ATP8B3: variants seen among roughly 807,000 people sequenced by gnomAD.
ATP8B3 encodes the protein ATPase phospholipid transporting 8B3, also known as phospholipid-transporting ATPase IK.
Under a neutral mutation model 140.9 loss-of-function variants are expected in ATP8B3, and 141 were observed. The observed-to-expected ratio is 1.00, with a 90% CI of 0.87 to 1.15. The LOEUF is 1.15. Among genes scored for constraint, ATP8B3 ranks in the 50% most tolerant of loss-of-function variants. The pLI is 0.00. For missense variants in ATP8B3, 1,874 were observed against 1,740.6 expected (o/e 1.08, Z -1.36); for synonymous variants, 765 against 714.6 (o/e 1.07, Z -1.13).
At chr19:1,793,705 G>A (rs1046508361) in intron 18 of ATP8B3, among the ~76,000 whole-genome samples, 3 of 152,162 alleles carry the variant, frequency 2.0e-5, no homozygotes, top group Non-Finnish European at 4.4e-5. Flanking sequence ...GTGCTCCAAG[G>A]GGTGGCCTTA....
At chr19:1,787,725 G>A (rs2068350223) in intron 24 of ATP8B3, among the ~76,000 whole-genome samples, 1 of 82,554 alleles carries the variant, frequency 1.2e-5, no homozygotes, top group African/African-American at 4.7e-5. Context: ...GTGAAACTCT[G>A]TCTAAAAAAA....
rs891905471 is a variant in ATP8B3 at position 1,788,903 on chromosome 19, G to A, written c.3063C>T (p.Thr1021=). ...GCCAGGGTGGGGGACGCACCTGGCC[G>A]GTGAAGCCGTTGTAGCAGGCAAACC... ...QVWFACYNGF[T]GQPLYEGWFL... is the part of the protein sequence containing the mutation. The change falls in exon 24 of 29, where the codon ACC becomes ACT. Residue 1021 remains threonine, a synonymous_variant. Transcript: ENST00000310127. 29 of 1,589,818 alleles carry A rather than the reference G, an allele frequency of 1.8e-5. No homozygotes were observed. Among genetic ancestry groups the A allele is most frequent in the African/African-American group, 9.4e-5 (7 of 74,362 alleles).
intron 23 of ATP8B3, 106 bp downstream of exon 23, chr19:1,789,255 A>G (rs1600401022): frequency 2.3e-6 from 2 of 883,012 alleles, no homozygotes; most frequent in Non-Finnish European, 3.1e-6. Context: ...CGCCGCCTCC[A>G]TCAGCGCCCC....
At chr19:1,786,898 A>G (rs1284366866) in intron 25 of ATP8B3, among the ~76,000 whole-genome samples, 7 of 152,264 alleles carry the variant, frequency 4.6e-5, no homozygotes, top group African/African-American at 1.7e-4. Context: ...ACACAGGAGG[A>G]GCTGGATGGC....
At position 1,784,772 on chromosome 19, in the gene ATP8B3, G is replaced by T. The variant is rs535423206; in HGVS notation, c.3660+47C>A. 3.9e-6 allele frequency: 6 copies of T among 1,546,534 alleles called. No homozygotes were observed. The East Asian group carries it at 1.2e-4, about 31-fold the overall frequency. Reference sequence around the variant, plus strand: ...CGCCCTGCACGGCTCCCCAACCAGGGTCCTGGAATGTACCAGATGAGGACC... The same window carrying T: ...CGCCCTGCACGGCTCCCCAACCAGGTTCCTGGAATGTACCAGATGAGGACC... On this transcript the variant is annotated intron_variant, in intron 28 of 28. Coordinates refer to ENST00000310127, the MANE Select transcript of ATP8B3 (RefSeq NM_138813.4).
chr19:1,812,045 C>T (rs2145215369), intron 1 of ATP8B3, 141 bp downstream of exon 1: 3 of 310,004 alleles, frequency 9.7e-6, no homozygotes, highest in Non-Finnish European at 1.8e-5. Flanking sequence ...CTGCACCCGC[C>T]CCGGGGCCCC....
intron 14 of ATP8B3, 147 bp from the exon 15 acceptor site, chr19:1,797,152 C>T: frequency 1.6e-6 from 2 of 1,287,624 alleles, no homozygotes; most frequent in Non-Finnish European, 2.2e-6. Flanking sequence ...ACACCCCGAG[C>T]AATCTTGGGG....
At chr19:1,790,905 CCCGGTGAAT>C in intron 20 of ATP8B3, 73 bp from the exon 21 acceptor site, 1 of 1,372,164 alleles carries the variant, frequency 7.3e-7, no homozygotes, top group Admixed American at 2.0e-5. Flanking sequence ...GCCCACTCTG[CCCGGTGAAT>C]CCTGGCCCGA....
At chr19:1,799,142 C>CA (rs1039739973) in intron 14 of ATP8B3, 1 of 150,108 alleles carries the variant, frequency 6.7e-6, no homozygotes, top group African/African-American at 2.5e-5. Flanking sequence ...GACCCCATCT[C>CA]AAAAAATAAA....
In ATP8B3 at chr19:1,789,999, G is replaced by T. The variant is rs753740916; in HGVS notation, c.2379-10C>A. ...GGTCTCCAGGATGCGGCTGCGGGGC[G>T]CAGGGGTCAGCGGGGCAGGGGAGGG... On this transcript the variant is annotated splice_polypyrimidine_tract_variant and intron_variant, in intron 21 of 28. Transcript: ENST00000310127. The T allele has an allele frequency of 1.9e-6, 3 of 1,601,204 alleles. No homozygotes were observed. The highest frequency in any genetic ancestry group is 2.6e-6 in the Non-Finnish European group (3 of 1,170,680).
intron 3 of ATP8B3, 45 bp downstream of exon 3, chr19:1,810,577 A>AT: frequency 6.3e-7 from 1 of 1,588,826 alleles, no homozygotes; most frequent in Non-Finnish European, 8.6e-7. Context: ...CCTGAACTTC[A>AT]TAATCCCTCC....
In ATP8B3 at chr19:1,794,083, A is replaced by C. The variant is rs1166538648; in HGVS notation, c.2055+1792T>G. Among the ~76,000 whole-genome samples, 1 of 152,052 alleles carries C rather than the reference A, an allele frequency of 6.6e-6. No homozygotes were observed. Among genetic ancestry groups the C allele is most frequent in the Non-Finnish European group, 1.5e-5 (1 of 67,978 alleles). ...CGCCCTGTCGCCCAGGCTGGAGTGC[A>C]GTGGTGCGATCACAGCTTGCTGTAG... On this transcript the variant is annotated intron_variant, in intron 18 of 28. Transcript: ENST00000310127. The surrounding 1 kb of genome is among the most constrained non-coding windows in gnomAD (Gnocchi z 4.8).
chr19:1,788,762 T>C (rs1193210521), intron 24 of ATP8B3, 135 bp downstream of exon 24: 1 of 823,672 alleles, frequency 1.2e-6, no homozygotes, highest in South Asian at 1.8e-5. Context: ...AGCCTTGCCA[T>C]GTGGCCTCAG....
At position 1,809,627 on chromosome 19, in the gene ATP8B3, G is replaced by A. The variant is rs1232107821; in HGVS notation, c.402+16C>T. On this transcript the variant is annotated intron_variant, in intron 4 of 28. Coordinates refer to ENST00000310127, the MANE Select transcript of ATP8B3 (RefSeq NM_138813.4). ...CAGCTCCTCTGGAGCAGGGAGGCGC[G>A]GGAGGGGCCGCCCACCTTGTATTTC... 2.5e-5 allele frequency: 40 copies of A among 1,589,584 alleles called. No individual in the cohort carries two copies. Among genetic ancestry groups the A allele is most frequent in the Non-Finnish European group, 2.3e-5 (27 of 1,167,996 alleles).
At chr19:1,797,069 C>A in intron 14 of ATP8B3, 64 bp from the exon 15 acceptor site, 1 of 1,608,372 alleles carries the variant, frequency 6.2e-7, no homozygotes, top group Non-Finnish European at 8.5e-7. Context: ...TCCCATAGCC[C>A]CTGACCCCTA....
rs1292414459 is a variant in ATP8B3, at chr19:1,794,061, C to T, written c.2055+1814G>A. ...GTTTATTAAGAGACAGGGGTCTCGC[C>T]CTGTCGCCCAGGCTGGAGTGCAGTG... On this transcript the variant is annotated intron_variant, in intron 18 of 28. Coordinates refer to ENST00000310127, the MANE Select transcript of ATP8B3 (RefSeq NM_138813.4). This position sits in a 1 kb window ranked among gnomAD's most constrained non-coding sequence, Gnocchi z 4.8. Among the ~76,000 whole-genome samples, 1 of 140,678 alleles carries T rather than the reference C, an allele frequency of 7.1e-6. No homozygotes were observed. The highest frequency in any genetic ancestry group is 2.3e-4 in the South Asian group (1 of 4,390). 92.3% of individuals were successfully genotyped at this position (140,678 alleles called of 152,430 possible).
chr19:1,801,873 AG>A, intron 12 of ATP8B3, 82 bp downstream of exon 12: 1 of 1,082,672 alleles, frequency 9.2e-7, no homozygotes, highest in Non-Finnish European at 1.4e-6. Flanking sequence ...TTGCAGAAGA[AG>A]GAAACTGAGG....
intron 12 of ATP8B3, among the ~76,000 whole-genome samples, 194 bp downstream of exon 12, chr19:1,801,762 T>C (rs1012569107): frequency 3.9e-5 from 6 of 151,922 alleles, no homozygotes; most frequent in Admixed American, 1.3e-4. Context: ...AAAAAATAAA[T>C]AAATACATAA....
At chr19:1,801,695 T>C (rs1166184268) in intron 12 of ATP8B3, among the ~76,000 whole-genome samples, 2 of 152,128 alleles carry the variant, frequency 1.3e-5, no homozygotes, top group African/African-American at 4.8e-5. Context: ...GAGGTTGCAG[T>C]GAGCCAAGAT....
Sources: gnomAD v4.1 joint callset for allele counts (sites outside exome capture counted in the v4.1 genomes callset) on GRCh38, gnomAD v4.1.1 for gene constraint, Gnocchi (gnomAD v3.1) non-coding constraint, MANE v1.5 for transcripts, NCBI Gene and HGNC (gene_info 2026-07-23, HGNC 2026-07-21) for gene names.